Variants in OXNAD1 observed in about 807,000 individuals in gnomAD.
OXNAD1 encodes oxidoreductase NAD-binding domain-containing protein 1.
A neutral mutation model predicts 32.9 loss-of-function variants in OXNAD1; 34 were observed. That is an observed-to-expected ratio of 1.03 (90% CI 0.79 to 1.38). OXNAD1 has a LOEUF of 1.38. Among genes scored for constraint, OXNAD1 ranks in the 40% most tolerant of loss-of-function variants. The probability of loss-of-function intolerance (pLI) is 0.00; values close to 1 mark genes in which losing one functional copy is unlikely to be tolerated. For synonymous variants in OXNAD1, 134 were observed against 135.2 expected (o/e 0.99, Z 0.06); for missense variants, 407 against 379.4 (o/e 1.07, Z -0.60).
Position 16,267,028 on chromosome 3 carries a change from C to T in OXNAD1, c.-159+1523C>T, listed in dbSNP as rs572993643. Reference sequence around the variant, plus strand: ...GAGCCCTTTTTCTTCCTCAGTGACACCTAAGATTCTAAATTGACAGATGTC... The same window carrying T: ...GAGCCCTTTTTCTTCCTCAGTGACATCTAAGATTCTAAATTGACAGATGTC... On this transcript the variant is annotated intron_variant, in intron 1 of 8. Coordinates refer to ENST00000285083, the MANE Select transcript of OXNAD1 (RefSeq NM_138381.5). 5.8e-4 allele frequency among the ~76,000 whole-genome samples: 88 copies of T among 152,344 alleles called. 1 individual carries two copies. The highest frequency in any genetic ancestry group is 1.8e-3 in the African/African-American group (75 of 41,572).
chr3:16,294,337 G>C (rs905790731), intron 5 of OXNAD1, among the ~76,000 whole-genome samples: 1 of 152,088 alleles, frequency 6.6e-6, no homozygotes, highest in Non-Finnish European at 1.5e-5. Context: ...CAAGTAGCTG[G>C]GATTACAGGC....
intron 9 of OXNAD1, among the ~76,000 whole-genome samples, chr3:16,325,421 C>T (rs1364527578): frequency 1.3e-5 from 2 of 152,176 alleles, no homozygotes; most frequent in Non-Finnish European, 2.9e-5. Context: ...CTGTCTGTAG[C>T]CCCTGGGCTT....
chr3:16,309,754 G>T (rs2067838154), downstream of OXNAD1, among the ~76,000 whole-genome samples: 2 of 152,206 alleles, frequency 1.3e-5, no homozygotes, highest in South Asian at 4.1e-4. Flanking sequence ...CTTGTTTCCT[G>T]TGTGACTCAT....
rs1044298896 is a variant in OXNAD1, at chr3:16,321,995, C to T, written c.*31-15117C>T. 2.0e-5 allele frequency among the ~76,000 whole-genome samples: 3 copies of T among 152,226 alleles called. No homozygotes were observed. Among genetic ancestry groups the T allele is most frequent in the South Asian group, 4.1e-4 (2 of 4,834 alleles). On this transcript the variant is annotated intron_variant, in intron 9 of 9. Coordinates refer to the OXNAD1 transcript ENST00000435829. The surrounding 1 kb of genome is among the most constrained non-coding windows in gnomAD (Gnocchi z 4.8). ...CCAGGAACCTGTTAGGCAAAGGTGGCACCATCTCCCTCTGTAAGGCTGCAG... is the reference window on the plus strand; with the variant it reads ...CCAGGAACCTGTTAGGCAAAGGTGGTACCATCTCCCTCTGTAAGGCTGCAG...
rs2068480629 is a variant in OXNAD1, at chr3:16,317,067, G to A, written c.*30+13475G>A. 1 of 1,613,602 alleles carries A rather than the reference G, an allele frequency of 6.2e-7. No individual in the cohort carries two copies. The highest frequency in any genetic ancestry group is 8.5e-7 in the Non-Finnish European group (1 of 1,179,950). ...ATCTCCTCGGAGACTCCACCCTCCT[G>A]CTGCTGTCCTGAAACACAGTTTCCC... On this transcript the variant is annotated intron_variant, in intron 9 of 9. Coordinates refer to the OXNAD1 transcript ENST00000435829. This position sits in a 1 kb window ranked among gnomAD's most constrained non-coding sequence, Gnocchi z 4.3.
rs902527141 is a variant in OXNAD1 at position 16,277,583 on chromosome 3, A to G, written c.183+5861A>G. Among the ~76,000 whole-genome samples, 3 of 152,214 alleles carry G rather than the reference A, an allele frequency of 2.0e-5. No individual in the cohort carries two copies. The highest frequency in any genetic ancestry group is 2.4e-5 in the African/African-American group (1 of 41,434). ...GATACGATGCCATCTGGATTTTACA[A>G]AGAGGAAGCAGGGCCTAGGACATGT... On this transcript the variant is annotated intron_variant, in intron 4 of 8. Coordinates refer to ENST00000285083, the MANE Select transcript of OXNAD1 (RefSeq NM_138381.5). This position sits in a 1 kb window ranked among gnomAD's most constrained non-coding sequence, Gnocchi z 4.3.
At position 16,336,163 on chromosome 3, in the gene OXNAD1, ACGG is replaced by A. The variant is rs2070828058; in HGVS notation, c.*31-945_*31-943del. Among the ~76,000 whole-genome samples the A allele has an allele frequency of 6.6e-6, 1 of 152,248 alleles. No homozygotes were observed. The highest frequency in any genetic ancestry group is 1.9e-4 in the East Asian group (1 of 5,200). ...GCAAGTGGAAGGCAGATGCTGGAAC[ACGG>A]CGGGCAGTGTTGCAGAAAACTCCAC... On this transcript the variant is annotated intron_variant, in intron 9 of 9. Coordinates refer to the OXNAD1 transcript ENST00000435829. The surrounding 1 kb of genome is among the most constrained non-coding windows in gnomAD (Gnocchi z 6.0).
chr3:16,344,332 T>TG lies in OXNAD1; in HGVS notation c.*31-4844_*31-4843insG, dbSNP rs1385639061. On this transcript the variant is annotated intron_variant, in intron 9 of 9. Coordinates refer to the OXNAD1 transcript ENST00000606098. The surrounding 1 kb of genome is among the most constrained non-coding windows in gnomAD (Gnocchi z 4.4). Reference sequence around the variant, plus strand: ...GGATTAGATCAGTAATTTTCAAGGTTTTTTTTTTTTAATTAGTAGGATGCT... The same window carrying TG: ...GGATTAGATCAGTAATTTTCAAGGTTGTTTTTTTTTTAATTAGTAGGATGCT... 1.3e-5 allele frequency among the ~76,000 whole-genome samples: 2 copies of TG among 149,238 alleles called. No individual in the cohort carries two copies. Among genetic ancestry groups the TG allele is most frequent in the Admixed American group, 6.9e-5 (1 of 14,568 alleles).
At chr3:16,332,079 A>G (rs1053461553) in intron 9 of OXNAD1, among the ~76,000 whole-genome samples, 2 of 151,962 alleles carry the variant, frequency 1.3e-5, no homozygotes, top group Non-Finnish European at 2.9e-5. Context: ...TTTCATGACA[A>G]TGTGCTTTGG....
At position 16,302,231 on chromosome 3, in the gene OXNAD1, C is replaced by T. The variant is rs1477427247; in HGVS notation, c.675+363C>T. Among the ~76,000 whole-genome samples the T allele has an allele frequency of 6.6e-6, 1 of 152,170 alleles. No individual in the cohort carries two copies. Among genetic ancestry groups the T allele is most frequent in the African/African-American group, 2.4e-5 (1 of 41,434 alleles). ...TTTGGACCCAGCTGGGTAAATGAAA[C>T]CCCTGTCAGTTGCATCTGTTTAAAC... is the stretch of plus-strand genomic sequence containing the variant. On this transcript the variant is annotated intron_variant, in intron 7 of 8. Transcript: ENST00000285083. The surrounding 1 kb of genome is among the most constrained non-coding windows in gnomAD (Gnocchi z 4.2).
At chr3:16,295,021 G>T in intron 6 of OXNAD1, 24 bp downstream of exon 6, 1 of 1,584,682 alleles carries the variant, frequency 6.3e-7, no homozygotes, top group Non-Finnish European at 8.6e-7. Flanking sequence ...CTGTTTAAAC[G>T]CGATGATCTG....
chr3:16,339,407 A>T (rs1291812341), downstream of OXNAD1: 2 of 152,248 alleles, frequency 1.3e-5, no homozygotes, highest in African/African-American at 4.8e-5. Context: ...CTCCAGCTGG[A>T]ATATCCTGCC....
Position 16,298,692 on chromosome 3 carries a change from G to A in OXNAD1, c.433-2934G>A, listed in dbSNP as rs1021987546. Among the ~76,000 whole-genome samples the A allele has an allele frequency of 2.0e-5, 3 of 152,150 alleles. No homozygotes were observed. Among genetic ancestry groups the A allele is most frequent in the Admixed American group, 1.3e-4 (2 of 15,274 alleles). Reference sequence around the variant, plus strand: ...AGACATGGAATAAAGTGCCATAAACGTCTTCCTTTATTTTATCTGCTTTGG... The same window carrying A: ...AGACATGGAATAAAGTGCCATAAACATCTTCCTTTATTTTATCTGCTTTGG... On this transcript the variant is annotated intron_variant, in intron 6 of 8. Transcript: ENST00000285083. The surrounding 1 kb of genome is among the most constrained non-coding windows in gnomAD (Gnocchi z 5.1).
At chr3:16,328,986 GTA>G (rs2070015047) in intron 9 of OXNAD1, among the ~76,000 whole-genome samples, 1 of 152,212 alleles carries the variant, frequency 6.6e-6, no homozygotes, top group Admixed American at 6.5e-5. Flanking sequence ...AGGTTTGAAT[GTA>G]TCCCCCAAAA....
rs961503952 is a variant in OXNAD1, at chr3:16,290,064, C to G, written c.290+3616C>G. Among the ~76,000 whole-genome samples, 2 of 152,156 alleles carry G rather than the reference C, an allele frequency of 1.3e-5. No homozygotes were observed. The highest frequency in any genetic ancestry group is 2.4e-5 in the African/African-American group (1 of 41,424). ...CAAGGACTAAAGAGTTCTGGGATCTCATAGTATAGCTGCTGTGTGCTTGGC... is the reference window on the plus strand; with the variant it reads ...CAAGGACTAAAGAGTTCTGGGATCTGATAGTATAGCTGCTGTGTGCTTGGC... On this transcript the variant is annotated intron_variant, in intron 5 of 8. Transcript: ENST00000285083. This position sits in a 1 kb window ranked among gnomAD's most constrained non-coding sequence, Gnocchi z 4.2.
chr3:16,296,435 A>C (rs1463261734), intron 6 of OXNAD1, among the ~76,000 whole-genome samples: 1 of 152,246 alleles, frequency 6.6e-6, no homozygotes, highest in Non-Finnish European at 1.5e-5. Context: ...ACAATAATCA[A>C]AATCTCAACA....
Position 16,345,827 on chromosome 3 carries a change from CGT to C in OXNAD1, c.*31-3347_*31-3346del, listed in dbSNP as rs1279501241. Among the ~76,000 whole-genome samples, 1,416 of 89,126 alleles carry C rather than the reference CGT, an allele frequency of 0.016. 20 individuals are homozygous for C. Among genetic ancestry groups the C allele is most frequent in the African/African-American group, 0.049 (1,170 of 23,756 alleles). 58.5% of individuals were successfully genotyped at this position (89,126 alleles called of 152,430 possible). On this transcript the variant is annotated intron_variant, in intron 9 of 9. Transcript: ENST00000606098. This position sits in a 1 kb window ranked among gnomAD's most constrained non-coding sequence, Gnocchi z 5.2. ...GTGTGTGTGTGTGTGTGCGCGCGCG[CGT>C]GCGCGCACGCGCACATGTGCATGTG...
intron 2 of OXNAD1, among the ~76,000 whole-genome samples, chr3:16,269,877 T>C (rs2064804728): frequency 6.6e-6 from 1 of 152,166 alleles, no homozygotes; most frequent in African/African-American, 2.4e-5. Flanking sequence ...GATGGACAAA[T>C]AGAGCAATGT....
chr3:16,326,901 G>A, intron 9 of OXNAD1: 5 of 1,578,850 alleles, frequency 3.2e-6, no homozygotes, highest in Non-Finnish European at 3.5e-6. Flanking sequence ...CCAGCATTAG[G>A]GCTGCTGCTG....
Sources: gnomAD v4.1 joint callset for allele counts (sites outside exome capture counted in the v4.1 genomes callset) on GRCh38, gnomAD v4.1.1 for gene constraint, Gnocchi (gnomAD v3.1) non-coding constraint, MANE v1.5 for transcripts, NCBI Gene and HGNC (gene_info 2026-07-23, HGNC 2026-07-21) for gene names.